Variants in JAKMIP1 observed in about 807,000 individuals in gnomAD.
JAKMIP1 encodes janus kinase and microtubule interacting protein 1, also known as janus kinase and microtubule-interacting protein 1.
In JAKMIP1, 33 loss-of-function variants were observed where a neutral mutation model predicts 113.0. That is an observed-to-expected ratio of 0.29 (90% CI 0.22 to 0.39). The LOEUF (loss-of-function observed/expected upper bound fraction) is 0.39. Ranked by LOEUF, JAKMIP1 falls within the 10% of genes least tolerant of loss-of-function variation. The pLI is 1.00. For synonymous variants in JAKMIP1, 480 were observed against 459.9 expected (o/e 1.04, Z -0.56); for missense variants, 813 against 1,080.5 (o/e 0.75, Z 3.47).
rs1054071671 is a variant in JAKMIP1 at position 6,179,793 on chromosome 4, T to A, written c.-148+20460A>T. 6.6e-6 allele frequency among the ~76,000 whole-genome samples: 1 copy of A among 152,204 alleles called. No homozygotes were observed. Among genetic ancestry groups the A allele is most frequent in the Admixed American group, 6.5e-5 (1 of 15,292 alleles). ...ATCTCAATCCATCCTCAAAGCCTCCTTGTAAAACAGGTAGCAATATTATCC... is the reference window on the plus strand; with the variant it reads ...ATCTCAATCCATCCTCAAAGCCTCCATGTAAAACAGGTAGCAATATTATCC... On this transcript the variant is annotated intron_variant, in intron 1 of 20. Transcript: ENST00000409021. The surrounding 1 kb of genome is among the most constrained non-coding windows in gnomAD (Gnocchi z 4.5).
At chr4:6,112,528 C>T (rs1201216611) in intron 2 of JAKMIP1, among the ~76,000 whole-genome samples, 194 bp downstream of exon 2, 1 of 152,202 alleles carries the variant, frequency 6.6e-6, no homozygotes, top group Non-Finnish European at 1.5e-5. Flanking sequence ...AAGGTCACAG[C>T]AAGCACTGGT....
At position 6,042,761 on chromosome 4, in the gene JAKMIP1, C is replaced by G. The variant is rs530183120; in HGVS notation, c.2029-534G>C. 6.6e-6 allele frequency among the ~76,000 whole-genome samples: 1 copy of G among 152,054 alleles called. No individual in the cohort carries two copies. Among genetic ancestry groups the G allele is most frequent in the African/African-American group, 2.4e-5 (1 of 41,398 alleles). ...GCCACTGCCCTCATCCCTCCAGCAACGTGAGTTGGAGCAGCCCAGAGTGCC... is the reference window on the plus strand; with the variant it reads ...GCCACTGCCCTCATCCCTCCAGCAAGGTGAGTTGGAGCAGCCCAGAGTGCC... On this transcript the variant is annotated intron_variant, in intron 16 of 20. Coordinates refer to ENST00000409021, the MANE Select transcript of JAKMIP1 (RefSeq NM_001099433.2). The surrounding 1 kb of genome is among the most constrained non-coding windows in gnomAD (Gnocchi z 5.2).
chr4:6,061,705 G>T lies in JAKMIP1; in HGVS notation c.1560+607C>A, dbSNP rs767170920. Reference sequence around the variant, plus strand: ...GTGGGGGTGAGATGGGGGAGGGGATGCAGGGAAGCACCCGTGTGTGCTCTC... The same window carrying T: ...GTGGGGGTGAGATGGGGGAGGGGATTCAGGGAAGCACCCGTGTGTGCTCTC... On this transcript the variant is annotated intron_variant, in intron 10 of 20. Coordinates refer to ENST00000409021, the MANE Select transcript of JAKMIP1 (RefSeq NM_001099433.2). The surrounding 1 kb of genome is among the most constrained non-coding windows in gnomAD (Gnocchi z 5.3). 6.6e-6 allele frequency among the ~76,000 whole-genome samples: 1 copy of T among 152,186 alleles called. No individual in the cohort carries two copies. Among genetic ancestry groups the T allele is most frequent in the Admixed American group, 6.5e-5 (1 of 15,288 alleles).
At chr4:6,039,272 C>T (rs1328058545) in intron 18 of JAKMIP1, among the ~76,000 whole-genome samples, 1 of 152,162 alleles carries the variant, frequency 6.6e-6, no homozygotes, top group Non-Finnish European at 1.5e-5. Context: ...TTGGGAAATG[C>T]CAGTTCTGCA....
rs1722263477 is a variant in JAKMIP1 at position 6,156,591 on chromosome 4, C to T, written c.-147-43594G>A. On this transcript the variant is annotated intron_variant, in intron 1 of 20. Transcript: ENST00000409021. This position sits in a 1 kb window ranked among gnomAD's most constrained non-coding sequence, Gnocchi z 5.0. ...GTCATCCTGGTGACCCAGGGCTTAG[C>T]TACTGAGATGCAACTCAAAGATCTG... Among the ~76,000 whole-genome samples, 1 of 152,228 alleles carries T rather than the reference C, an allele frequency of 6.6e-6. No homozygotes were observed. The highest frequency in any genetic ancestry group is 6.5e-5 in the Admixed American group (1 of 15,280).
rs1429305761 is a variant in JAKMIP1, at chr4:6,129,996, C to A, written c.-147-16999G>T. Among the ~76,000 whole-genome samples the A allele has an allele frequency of 2.0e-5, 3 of 152,194 alleles. No homozygotes were observed. The highest frequency in any genetic ancestry group is 2.9e-5 in the Non-Finnish European group (2 of 68,042). ...GTGAAGCCAAGTTCAGGAGAAGAGG[C>A]CTCTCTAAATTTGGAAGACTCTGGG... is the stretch of plus-strand genomic sequence containing the variant. On this transcript the variant is annotated intron_variant, in intron 1 of 20. Transcript: ENST00000409021. The surrounding 1 kb of genome is among the most constrained non-coding windows in gnomAD (Gnocchi z 5.4).
intron 1 of JAKMIP1, among the ~76,000 whole-genome samples, chr4:6,119,517 C>A (rs1167547416): frequency 6.6e-6 from 1 of 151,952 alleles, no homozygotes; most frequent in Non-Finnish European, 1.5e-5. Context: ...GCACTCCAGC[C>A]TGGACAACAA....
In JAKMIP1 at chr4:6,138,719, C is replaced by G. The variant is rs1377337147; in HGVS notation, c.-147-25722G>C. 5.9e-5 allele frequency among the ~76,000 whole-genome samples: 9 copies of G among 152,162 alleles called. No homozygotes were observed. The highest frequency in any genetic ancestry group is 1.2e-4 in the Non-Finnish European group (8 of 68,044). Reference sequence around the variant, plus strand: ...AGTGGCGTGTTCTCAACGGCCAGCTCTGTCTCAGAATGGGTACGAATCTTG... The same window carrying G: ...AGTGGCGTGTTCTCAACGGCCAGCTGTGTCTCAGAATGGGTACGAATCTTG... On this transcript the variant is annotated intron_variant, in intron 1 of 20. Transcript: ENST00000409021. The surrounding 1 kb of genome is among the most constrained non-coding windows in gnomAD (Gnocchi z 6.0).
rs1713897384 is a variant in JAKMIP1, at chr4:6,106,100, A to G, written c.130-133T>C. 1.6e-6 allele frequency: 1 copy of G among 629,424 alleles called. No individual in the cohort carries two copies. The highest frequency in any genetic ancestry group is 3.0e-5 in the Admixed American group (1 of 33,842). 39.0% of individuals were successfully genotyped at this position (629,424 alleles called of 1,614,324 possible). On this transcript the variant is annotated intron_variant, in intron 2 of 20. Coordinates refer to ENST00000409021, the MANE Select transcript of JAKMIP1 (RefSeq NM_001099433.2). This position sits in a 1 kb window ranked among gnomAD's most constrained non-coding sequence, Gnocchi z 5.9. ...CCCACCTGGGCCCACGTTCCCATGG[A>G]TTCCCCCTTCGGCAGTGCCCTGCAG...
intron 16 of JAKMIP1, among the ~76,000 whole-genome samples, chr4:6,043,483 C>T (rs746316088): frequency 1.1e-4 from 16 of 152,008 alleles, no homozygotes; most frequent in Non-Finnish European, 1.9e-4. Context: ...TGAAATGTCT[C>T]ATACCCAGAT....
At chr4:6,198,900 G>T (rs932325246) in intron 1 of JAKMIP1, among the ~76,000 whole-genome samples, 1 of 152,260 alleles carries the variant, frequency 6.6e-6, no homozygotes, top group Admixed American at 6.5e-5. Flanking sequence ...TCTGACTTAG[G>T]GGGGATGGCC....
chr4:6,081,651 C>T lies in JAKMIP1; in HGVS notation c.1059G>A (p.Met353Ile). ...NEDLLQSIQR[M>I]EEKIKNLTRE... ...GCGTGAGGTTCTTGATTTTCTCCTC[C>T]ATCCTCTGGATACTCTGCAACAGAT... Residue 353 changes from methionine (M) to isoleucine (I), a missense_variant, in exon 6 of 21, where the codon ATG becomes ATA. Physicochemically the swap from Met to Ile is conservative, Grantham distance 10. Coordinates refer to ENST00000409021, the MANE Select transcript of JAKMIP1 (RefSeq NM_001099433.2). This position sits in a 1 kb window ranked among gnomAD's most constrained non-coding sequence, Gnocchi z 4.6. 2 of 1,614,216 alleles carry T rather than the reference C, an allele frequency of 1.2e-6. No individual in the cohort carries two copies. The highest frequency in any genetic ancestry group is 1.7e-6 in the Non-Finnish European group (2 of 1,180,038).
rs888960359 is a variant in JAKMIP1, at chr4:6,065,644, T to C, written c.1303-636A>G. 2.0e-5 allele frequency among the ~76,000 whole-genome samples: 3 copies of C among 152,148 alleles called. No individual in the cohort carries two copies. Among genetic ancestry groups the C allele is most frequent in the Non-Finnish European group, 4.4e-5 (3 of 68,030 alleles). On this transcript the variant is annotated intron_variant, in intron 8 of 20. Transcript: ENST00000409021. This position sits in a 1 kb window ranked among gnomAD's most constrained non-coding sequence, Gnocchi z 5.1. The stretch of plus-strand genomic sequence containing the variant: ...TTTTTATTATAGAAAACTGGGAAGA[T>C]TCACAGAATGAGAAGGAATCATGTA...
At chr4:6,117,778 A>G (rs532770689) in intron 1 of JAKMIP1, among the ~76,000 whole-genome samples, 36 of 152,196 alleles carry the variant, frequency 2.4e-4, no homozygotes, top group South Asian at 2.1e-3. Context: ...TTTCTCAGGG[A>G]CGTTCCATGC....
chr4:6,146,967 G>GT lies in JAKMIP1; in HGVS notation c.-147-33971dup, dbSNP rs578143398. Among the ~76,000 whole-genome samples the GT allele has an allele frequency of 2.2e-4, 34 of 151,384 alleles. No homozygotes were observed. The South Asian group carries it at 6.7e-3, about 30-fold the overall frequency. On this transcript the variant is annotated intron_variant, in intron 1 of 20. Transcript: ENST00000409021. ...TATGAGCCTAATTCAGTTTTTTTTTGTTTTTGGGGGGATGGAGTTTTGCTC... is the reference window on the plus strand; with the variant it reads ...TATGAGCCTAATTCAGTTTTTTTTTGTTTTTTGGGGGGATGGAGTTTTGCTC...
rs548957066 is a variant in JAKMIP1, at chr4:6,168,494, C to T, written c.-148+31759G>A. ...AGGAATGAAGTCTCAACACCTGCTA[C>T]GACATGAATGAACCTGGAAAACATT... On this transcript the variant is annotated intron_variant, in intron 1 of 20. Transcript: ENST00000409021. The surrounding 1 kb of genome is among the most constrained non-coding windows in gnomAD (Gnocchi z 4.6). Among the ~76,000 whole-genome samples the T allele has an allele frequency of 1.3e-5, 2 of 151,794 alleles. No homozygotes were observed. The highest frequency in any genetic ancestry group is 2.9e-5 in the Non-Finnish European group (2 of 68,006).
intron 12 of JAKMIP1, 95 bp downstream of exon 12, chr4:6,056,602 C>T (rs1716503824): frequency 3.3e-6 from 3 of 915,322 alleles, no homozygotes; most frequent in Non-Finnish European, 5.4e-6. Context: ...CTGGAGTGCC[C>T]AAATGGCGCT....
intron 1 of JAKMIP1, among the ~76,000 whole-genome samples, chr4:6,132,647 T>TAAAAAAAAAAAA (rs71646639): frequency 8.5e-6 from 1 of 118,000 alleles, no homozygotes. Flanking sequence ...GCCTCAAAAA[T>TAAAAAAAAAAAA]AAAAAAAAAA....
At chr4:6,062,926 T>C (rs191803839) in intron 9 of JAKMIP1, among the ~76,000 whole-genome samples, 217 of 152,358 alleles carry the variant, frequency 1.4e-3, no homozygotes, top group Non-Finnish European at 2.5e-3. Flanking sequence ...GCAGATCACC[T>C]GAGGTCAGGA....
Sources: allele counts gnomAD v4.1 joint callset (sites outside exome capture counted in the v4.1 genomes callset), GRCh38; gene constraint gnomAD v4.1.1; non-coding constraint Gnocchi (gnomAD v3.1); transcripts MANE v1.5; gene names NCBI Gene and HGNC (gene_info 2026-07-23, HGNC 2026-07-21).